GABRG3: variants seen among roughly 807,000 people sequenced by gnomAD.
GABRG3 encodes gamma-aminobutyric acid type A receptor subunit gamma3.
GABRG3 carries 25 observed loss-of-function variants against 48.8 expected under a neutral mutation model. That is an observed-to-expected ratio of 0.51 (90% CI 0.37 to 0.72). The LOEUF (loss-of-function observed/expected upper bound fraction) is 0.72, where lower values mean the gene tolerates loss of function less well. Ranked by LOEUF, GABRG3 falls within the 30% of genes least tolerant of loss-of-function variation. The probability of loss-of-function intolerance (pLI) is 0.00; values close to 1 mark genes in which losing one functional copy is unlikely to be tolerated. For missense variants in GABRG3, 394 were observed against 577.9 expected (o/e 0.68, Z 3.26); for synonymous variants, 227 against 217.6 (o/e 1.04, Z -0.38).
At chr15:26,973,405 A>T (rs893320222) in intron 1 of GABRG3, among the ~76,000 whole-genome samples, 10 of 152,206 alleles carry the variant, frequency 6.6e-5, no homozygotes, top group Admixed American at 2.0e-4. Flanking sequence ...TCCAAATTTT[A>T]TACTAACTTT....
intron 5 of GABRG3, among the ~76,000 whole-genome samples, chr15:27,436,709 A>T (rs1353667860): frequency 6.6e-6 from 1 of 152,214 alleles, no homozygotes; most frequent in Non-Finnish European, 1.5e-5. Flanking sequence ...ATGGGACTGA[A>T]TGTGGCTCCT....
At position 27,126,618 on chromosome 15, in the gene GABRG3, C is replaced by T. The variant is rs949278099; in HGVS notation, c.270+99797C>T. ...ATTGAATGCTGGGGCGAGGCCTTTC[C>T]GAGCTCCCCTGCCCTCTGCTGTGGT... On this transcript the variant is annotated intron_variant, in intron 3 of 9. Transcript: ENST00000615808. Among the ~76,000 whole-genome samples the T allele has an allele frequency of 2.6e-5, 4 of 152,286 alleles. No homozygotes were observed. The South Asian group carries it at 6.2e-4, about 24-fold the overall frequency.
At chr15:27,105,151 T>C (rs1415145210) in intron 3 of GABRG3, among the ~76,000 whole-genome samples, 1 of 152,142 alleles carries the variant, frequency 6.6e-6, no homozygotes, top group Non-Finnish European at 1.5e-5. Context: ...TATTCAATGA[T>C]GTGAAATTCA....
intron 3 of GABRG3, among the ~76,000 whole-genome samples, chr15:27,279,983 TA>T (rs1005387277): frequency 6.6e-6 from 1 of 152,174 alleles, no homozygotes; most frequent in African/African-American, 2.4e-5. Flanking sequence ...TTTAAAGCTA[TA>T]TATTTCATAT....
At chr15:27,056,033 A>G (rs1896539343) in intron 3 of GABRG3, among the ~76,000 whole-genome samples, 1 of 152,172 alleles carries the variant, frequency 6.6e-6, no homozygotes, top group African/African-American at 2.4e-5. Flanking sequence ...GAGGAGAAAA[A>G]TCACAAATAG....
intron 3 of GABRG3, chr15:27,161,439 C>T (rs1887184039): frequency 6.6e-6 from 1 of 152,118 alleles, no homozygotes; most frequent in South Asian, 2.1e-4. Flanking sequence ...AGCAGAGGAA[C>T]CCTGAACTTA....
chr15:27,108,099 G>T (rs545771991), intron 3 of GABRG3, among the ~76,000 whole-genome samples: 1 of 151,430 alleles, frequency 6.6e-6, no homozygotes, highest in African/African-American at 2.4e-5. Context: ...CCTTTCATCT[G>T]TTTGTTTTAG....
At chr15:27,017,808 G>A (rs1895807620) in intron 2 of GABRG3, among the ~76,000 whole-genome samples, 1 of 152,196 alleles carries the variant, frequency 6.6e-6, no homozygotes, top group African/African-American at 2.4e-5. Context: ...GTGTGGTTAA[G>A]TCAGTAGCTT....
chr15:27,445,688 A>T lies in GABRG3; in HGVS notation c.575-34962A>T, dbSNP rs543417520. ...TGAGGTGCAAAATTTAAAATTTAAT[A>T]AAGTGTATTTTTATATTTATATCTT... is the stretch of plus-strand genomic sequence containing the variant. On this transcript the variant is annotated intron_variant, in intron 5 of 9. Coordinates refer to ENST00000615808, the MANE Select transcript of GABRG3 (RefSeq NM_033223.5). 2.5e-3 allele frequency among the ~76,000 whole-genome samples: 375 copies of T among 152,312 alleles called. 2 individuals carry two copies. Among genetic ancestry groups the T allele is most frequent in the African/African-American group, 8.5e-3 (354 of 41,588 alleles).
At chr15:27,078,774 G>A (rs1896948607) in intron 3 of GABRG3, among the ~76,000 whole-genome samples, 2 of 152,148 alleles carry the variant, frequency 1.3e-5, no homozygotes, top group South Asian at 4.2e-4. Context: ...AACATTGGCT[G>A]GCCAGTAAAG....
chr15:27,102,494 A>G (rs1897378888), intron 3 of GABRG3, among the ~76,000 whole-genome samples: 2 of 152,216 alleles, frequency 1.3e-5, no homozygotes, highest in Non-Finnish European at 2.9e-5. Flanking sequence ...TTATAAAATC[A>G]TGCTTGGTGA....
intron 3 of GABRG3, among the ~76,000 whole-genome samples, chr15:27,282,069 G>A (rs1375569415): frequency 6.6e-6 from 1 of 152,128 alleles, no homozygotes; most frequent in Non-Finnish European, 1.5e-5. Context: ...TGGCCTTCGT[G>A]TTTCTGATGA....
chr15:27,083,114 T>G (rs1566930069), intron 3 of GABRG3, among the ~76,000 whole-genome samples: 1 of 152,234 alleles, frequency 6.6e-6, no homozygotes, highest in Non-Finnish European at 1.5e-5. Flanking sequence ...TTTTTAGTGA[T>G]AACTTACAAG....
intron 3 of GABRG3, among the ~76,000 whole-genome samples, chr15:27,308,347 A>G (rs1356488322): frequency 8.3e-6 from 1 of 120,326 alleles, no homozygotes; most frequent in Admixed American, 8.3e-5. Context: ...CATAATATAA[A>G]CATACGTTTA....
chr15:27,513,177 G>A (rs1470776560), intron 6 of GABRG3, among the ~76,000 whole-genome samples: 2 of 152,078 alleles, frequency 1.3e-5, no homozygotes, highest in African/African-American at 2.4e-5. Flanking sequence ...GACAGGCGCA[G>A]TAGCTCATGC....
At chr15:27,398,666 G>GTGCACA (rs1555377632) in intron 5 of GABRG3, among the ~76,000 whole-genome samples, 2 of 147,306 alleles carry the variant, frequency 1.4e-5, no homozygotes, top group South Asian at 2.2e-4. Context: ...ACAAGCGCGC[G>GTGCACA]CACACACACA....
intron 3 of GABRG3, among the ~76,000 whole-genome samples, chr15:27,172,189 G>A (rs1326045522): frequency 6.6e-6 from 1 of 152,178 alleles, no homozygotes; most frequent in Non-Finnish European, 1.5e-5. Context: ...GTGCTCAAAG[G>A]AGAAGAGTGT....
chr15:27,171,328 A>T (rs1156634650), intron 3 of GABRG3, among the ~76,000 whole-genome samples: 1 of 152,194 alleles, frequency 6.6e-6, no homozygotes, highest in Non-Finnish European at 1.5e-5. Context: ...GTCTCTTAGT[A>T]GTAAATGAAA....
At chr15:27,274,705 T>G (rs971538404) in intron 3 of GABRG3, among the ~76,000 whole-genome samples, 1 of 152,196 alleles carries the variant, frequency 6.6e-6, no homozygotes. Flanking sequence ...CATGGAGCAC[T>G]TCTACCCTCA....
Sources: allele counts gnomAD v4.1 joint callset (sites outside exome capture counted in the v4.1 genomes callset), GRCh38; gene constraint gnomAD v4.1.1; transcripts MANE v1.5; gene names NCBI Gene and HGNC (gene_info 2026-07-23, HGNC 2026-07-21).